RXRA: variants seen among roughly 807,000 people sequenced by gnomAD.
RXRA encodes retinoic acid receptor RXR-alpha.
In RXRA, 5 loss-of-function variants were observed where a neutral mutation model predicts 44.5. That is an observed-to-expected ratio of 0.11 (90% CI 0.06 to 0.24). The LOEUF (loss-of-function observed/expected upper bound fraction) is 0.24, where lower values mean the gene tolerates loss of function less well. Among genes scored for constraint, RXRA ranks in the 10% least tolerant of loss-of-function variants. RXRA has a pLI of 1.00. For synonymous variants in RXRA, 291 were observed against 271.4 expected (o/e 1.07, Z -0.71); for missense variants, 412 against 646.5 (o/e 0.64, Z 3.93).
intron 1 of RXRA, among the ~76,000 whole-genome samples, chr9:134,369,295 ATG>A (rs1264683395): frequency 4.5e-5 from 2 of 44,774 alleles, no homozygotes; most frequent in Non-Finnish European, 7.6e-5. Context: ...TGTGGGGGTT[ATG>A]TGTGTGTGAG....
chr9:134,405,649 C>T (rs541938828), intron 2 of RXRA: 81 of 152,502 alleles, frequency 5.3e-4, no homozygotes, highest in African/African-American at 1.9e-3. Flanking sequence ...TTGGGACAGC[C>T]TAGAAAGAGG....
intron 6 of RXRA, chr9:134,422,346 C>T (rs1354051944): frequency 4.7e-6 from 6 of 1,279,810 alleles, no homozygotes; most frequent in Non-Finnish European, 6.1e-6. Flanking sequence ...ACTACCCCCT[C>T]CCGGGACACA....
rs1021957188 is a variant in RXRA, at chr9:134,365,419, C to T, written c.29-36213C>T. ...CAGGTGGGATTTGGCGGGTAACGCT[C>T]GTGGTGTGTCCTGGTGTGAGACCCG... On this transcript the variant is annotated intron_variant, in intron 1 of 9. Transcript: ENST00000481739. This position sits in a 1 kb window ranked among gnomAD's most constrained non-coding sequence, Gnocchi z 4.0. Among the ~76,000 whole-genome samples, 4 of 152,134 alleles carry T rather than the reference C, an allele frequency of 2.6e-5. No individual in the cohort carries two copies. Among genetic ancestry groups the T allele is most frequent in the Non-Finnish European group, 4.4e-5 (3 of 68,020 alleles).
At chr9:134,399,243 T>A (rs1465526785) in intron 1 of RXRA, among the ~76,000 whole-genome samples, 4 of 152,222 alleles carry the variant, frequency 2.6e-5, no homozygotes, top group Non-Finnish European at 4.4e-5. Flanking sequence ...AGTGCCCTGG[T>A]GGGCATGGTT....
chr9:134,345,246 G>A (rs1830136211), intron 1 of RXRA, among the ~76,000 whole-genome samples: 1 of 152,212 alleles, frequency 6.6e-6, no homozygotes. Context: ...GCTGGTATTT[G>A]CACAGCCCAC....
chr9:134,408,415 G>A, intron 3 of RXRA, 116 bp downstream of exon 3: 1 of 1,123,334 alleles, frequency 8.9e-7, no homozygotes, highest in Non-Finnish European at 1.2e-6. Context: ...AGGCCAGGGT[G>A]CAGGGAGGCA....
Position 134,365,864 on chromosome 9 carries a change from C to T in RXRA, c.29-35768C>T, listed in dbSNP as rs899564990. On this transcript the variant is annotated intron_variant, in intron 1 of 9. Coordinates refer to ENST00000481739, the MANE Select transcript of RXRA (RefSeq NM_002957.6). The surrounding 1 kb of genome is among the most constrained non-coding windows in gnomAD (Gnocchi z 4.0). ...CACCATTCCTACTGCTAGGCTCAGG[C>T]CTGTCTTGGGGAGGGTTCCTGGGCT... 6.6e-6 allele frequency among the ~76,000 whole-genome samples: 1 copy of T among 151,998 alleles called. No individual in the cohort carries two copies. Among genetic ancestry groups the T allele is most frequent in the Non-Finnish European group, 1.5e-5 (1 of 67,976 alleles).
rs1057251844 is a variant in RXRA at position 134,399,766 on chromosome 9, T to G, written c.29-1866T>G. On this transcript the variant is annotated intron_variant, in intron 1 of 9. Coordinates refer to ENST00000481739, the MANE Select transcript of RXRA (RefSeq NM_002957.6). ...TCCAGTGGGTCAGACAAGGCTCATT[T>G]GCTGGTGGGGTCTGTACCCCGACTG... 1.6e-4 allele frequency among the ~76,000 whole-genome samples: 24 copies of G among 152,264 alleles called. 1 individual carries two copies.
chr9:134,387,228 C>T (rs1422825538), intron 1 of RXRA, among the ~76,000 whole-genome samples: 1 of 152,252 alleles, frequency 6.6e-6, no homozygotes, highest in Non-Finnish European at 1.5e-5. Context: ...TGGCTCATGT[C>T]CCGTTTCTTT....
intron 1 of RXRA, among the ~76,000 whole-genome samples, chr9:134,363,578 A>T (rs1015699094): frequency 6.6e-6 from 1 of 152,210 alleles, no homozygotes; most frequent in Non-Finnish European, 1.5e-5. Context: ...CCCTCCAGGG[A>T]GGCCCCAAGG....
chr9:134,365,499 T>C lies in RXRA; in HGVS notation c.29-36133T>C, dbSNP rs568997442. ...ATGGGGTGGACCAGGCCGCTGCCCC[T>C]GCCTCCTGTCTCTGGCTGTGGCCAT... On this transcript the variant is annotated intron_variant, in intron 1 of 9. Transcript: ENST00000481739. This position sits in a 1 kb window ranked among gnomAD's most constrained non-coding sequence, Gnocchi z 4.0. 6.1e-4 allele frequency among the ~76,000 whole-genome samples: 93 copies of C among 152,250 alleles called. No homozygotes were observed. The highest frequency in any genetic ancestry group is 2.0e-3 in the African/African-American group (84 of 41,552).
chr9:134,408,178 C>T lies in RXRA; in HGVS notation c.309C>T (p.Ser103=). Residue 103 remains serine, a synonymous_variant, in exon 3 of 10, where the codon AGC becomes AGT. Coordinates refer to ENST00000481739, the MANE Select transcript of RXRA (RefSeq NM_002957.6). ...QLSSPMNPVS[S]SEDIKPPLGL... ...GCTCACCTATGAACCCCGTCAGCAG[C>T]AGCGAGGACATCAAGCCCCCCCTGG... The T allele has an allele frequency of 6.3e-7, 1 of 1,592,616 alleles. No homozygotes were observed. Among genetic ancestry groups the T allele is most frequent in the Non-Finnish European group, 8.5e-7 (1 of 1,169,730 alleles).
intron 1 of RXRA, among the ~76,000 whole-genome samples, chr9:134,331,416 T>G (rs1456916620): frequency 1.7e-4 from 26 of 151,936 alleles, no homozygotes; most frequent in African/African-American, 6.3e-4. Context: ...AGGGCTTGGG[T>G]GTGTGCACGC....
chr9:134,361,268 C>T (rs1169390756), intron 1 of RXRA, among the ~76,000 whole-genome samples: 1 of 152,198 alleles, frequency 6.6e-6, no homozygotes, highest in African/African-American at 2.4e-5. Context: ...CCTCATTTCA[C>T]TGAGGGGTAA....
intron 1 of RXRA, among the ~76,000 whole-genome samples, chr9:134,355,210 C>T (rs1830268750): frequency 6.6e-6 from 1 of 152,226 alleles, no homozygotes; most frequent in Admixed American, 6.5e-5. Context: ...GCCCAGTTGT[C>T]AGAAGCTGTG....
intron 1 of RXRA, among the ~76,000 whole-genome samples, chr9:134,345,999 G>A (rs1349922191): frequency 6.6e-6 from 1 of 152,118 alleles, no homozygotes; most frequent in Non-Finnish European, 1.5e-5. Context: ...GCGTCTTACG[G>A]TGTTCATATA....
At chr9:134,379,823 C>G in intron 1 of RXRA, 3 of 985,380 alleles carry the variant, frequency 3.0e-6, no homozygotes, top group Non-Finnish European at 3.6e-6. Flanking sequence ...AGCTCCAACC[C>G]TGGGGCCTTG....
intron 1 of RXRA, among the ~76,000 whole-genome samples, chr9:134,376,251 C>T (rs1335346569): frequency 6.6e-6 from 1 of 152,128 alleles, no homozygotes; most frequent in Non-Finnish European, 1.5e-5. Context: ...TGCCAGCTGT[C>T]GCACCTCGCA....
At chr9:134,395,407 A>C (rs1487256814) in intron 1 of RXRA, among the ~76,000 whole-genome samples, 1 of 152,154 alleles carries the variant, frequency 6.6e-6, no homozygotes. Context: ...GCATCTCTGC[A>C]TGTGTCACGG....
Sources: gnomAD v4.1 joint callset for allele counts (sites outside exome capture counted in the v4.1 genomes callset) on GRCh38, gnomAD v4.1.1 for gene constraint, Gnocchi (gnomAD v3.1) non-coding constraint, MANE v1.5 for transcripts, NCBI Gene and HGNC (gene_info 2026-07-23, HGNC 2026-07-21) for gene names.